Variants in PAXBP1 observed in about 807,000 individuals in gnomAD.
The protein encoded by PAXBP1 is PAX3 and PAX7 binding protein 1.
A neutral mutation model predicts 119.9 loss-of-function variants in PAXBP1; 44 were observed. That is an observed-to-expected ratio of 0.37 (90% CI 0.29 to 0.47). The LOEUF (loss-of-function observed/expected upper bound fraction) is 0.47, where lower values mean the gene tolerates loss of function less well. PAXBP1 is among the 20% of genes least tolerant of loss of function. The pLI is 0.99. For synonymous variants in PAXBP1, 393 were observed against 406.6 expected, an observed-to-expected ratio of 0.97 and a Z score of 0.40; for missense variants, 898 against 1,134.1, an observed-to-expected ratio of 0.79 and a Z score of 2.99.
intron 13 of PAXBP1, among the ~76,000 whole-genome samples, chr21:32,744,034 CAAT>C (rs377735579): frequency 1.4e-4 from 22 of 152,224 alleles, no homozygotes; most frequent in African/African-American, 4.8e-4. Flanking sequence ...GAAAATTCAA[CAAT>C]GACAAAGAGC....
intron 5 of PAXBP1, among the ~76,000 whole-genome samples, 169 bp downstream of exon 5, chr21:32,760,890 T>TGTGC (rs202232037): frequency 5.5e-4 from 81 of 147,734 alleles, no homozygotes; most frequent in South Asian, 3.5e-3. Flanking sequence ...CGTGTCTCTG[T>TGTGC]GTGCGTGCGT....
At chr21:32,744,702 G>A in intron 13 of PAXBP1, 90 bp downstream of exon 13, 2 of 1,313,984 alleles carry the variant, frequency 1.5e-6, no homozygotes, top group Non-Finnish European at 2.0e-6. Flanking sequence ...ATTTCTGATT[G>A]GTTTAGGATA....
chr21:32,743,862 C>A (rs1396334910), intron 13 of PAXBP1, 108 bp from the exon 14 acceptor site: 1 of 642,398 alleles, frequency 1.6e-6, no homozygotes, highest in African/African-American at 1.9e-5. Flanking sequence ...ACTAGTTTCT[C>A]AAATTTTTAA....
chr21:32,742,223 T>A (rs1466962771), intron 15 of PAXBP1: 1 of 152,170 alleles, frequency 6.6e-6, no homozygotes, highest in Admixed American at 6.5e-5. Flanking sequence ...AGAGTGAATT[T>A]TACCGTATGT....
chr21:32,750,778 A>T, intron 10 of PAXBP1, 139 bp downstream of exon 10: 1 of 625,364 alleles, frequency 1.6e-6, no homozygotes, highest in East Asian at 2.8e-5. Flanking sequence ...ATAAAAAGGC[A>T]TGCAAATTTC....
At chr21:32,759,663 G>T in intron 6 of PAXBP1, 114 bp downstream of exon 6, 1 of 877,784 alleles carries the variant, frequency 1.1e-6, no homozygotes, top group Non-Finnish European at 1.8e-6. Flanking sequence ...AGCTTTTGAA[G>T]CTGGGCCAGT....
chr21:32,768,081 T>C (rs528962272), intron 2 of PAXBP1, among the ~76,000 whole-genome samples: 12 of 152,318 alleles, frequency 7.9e-5, no homozygotes, highest in Non-Finnish European at 1.6e-4. Context: ...ATGTTGAAAT[T>C]TAATTGCCAT....
intron 2 of PAXBP1, among the ~76,000 whole-genome samples, chr21:32,764,988 T>C (rs2044217119): frequency 6.6e-6 from 1 of 152,138 alleles, no homozygotes; most frequent in Non-Finnish European, 1.5e-5. Flanking sequence ...TCCAGCTAAG[T>C]CTCTTAGTAA....
At chr21:32,755,474 TCC>T in intron 7 of PAXBP1, 121 bp from the exon 8 acceptor site, 2 of 1,300,960 alleles carry the variant, frequency 1.5e-6, no homozygotes, top group Non-Finnish European at 2.1e-6. Context: ...TAATCATGAA[TCC>T]CCAACAGCAC....
rs200232025 is a variant in PAXBP1 at position 32,764,380 on chromosome 21, T to A, written c.617A>T (p.Asn206Ile). The A allele has an allele frequency of 1.9e-6, 3 of 1,613,846 alleles. No homozygotes were observed. Among genetic ancestry groups the A allele is most frequent in the Non-Finnish European group, 2.5e-6 (3 of 1,179,864 alleles). ...AAGAACATTCAATGAAGATAAAGCA[T>A]TTGAAAAAGCTCCACCAGTCTTTGG... ...EKPKTGGAFS[N>I]ALSSLNVLRP... The change falls in exon 3 of 18, where the codon AAT (asparagine) becomes ATT (isoleucine). Residue 206 changes from asparagine (N) to isoleucine (I), a missense_variant. By Grantham distance (149) the Asn-to-Ile change is moderately radical. Coordinates refer to ENST00000331923, the MANE Select transcript of PAXBP1 (RefSeq NM_016631.4).
At position 32,755,321 on chromosome 21, in the gene PAXBP1, T is replaced by C; in HGVS notation, c.1416A>G (p.Ile472Met). The change falls in exon 8 of 18, where the codon ATA (isoleucine) becomes ATG (methionine). Residue 472 changes from isoleucine to methionine, a missense_variant. By Grantham distance (10) the Ile-to-Met change is conservative. Around this residue, in one of 2 missense-constraint regions of PAXBP1, gnomAD observed 599 missense variants for 852.7 expected, o/e 0.70. Transcript: ENST00000331923. ...VPLINELESA[I>M]HQLYKQRASR... ...AAGCTCGCTGTTTGTACAGCTGATG[T>C]ATTGCTGATTCAAGTTCATTAATCA... is the stretch of plus-strand genomic sequence containing the variant. 1.6e-5 allele frequency: 26 copies of C among 1,613,238 alleles called. No homozygotes were observed. Among genetic ancestry groups the C allele is most frequent in the Non-Finnish European group, 2.2e-5 (26 of 1,179,608 alleles).
At chr21:32,762,467 A>G in intron 3 of PAXBP1, 150 bp from the exon 4 acceptor site, 2 of 1,107,424 alleles carry the variant, frequency 1.8e-6, no homozygotes, top group Non-Finnish European at 2.5e-6. Flanking sequence ...CTGCAATCCA[A>G]AAGATTGTTA....
In PAXBP1 at chr21:32,771,416, G is replaced by A. The variant is rs756278430; in HGVS notation, c.253C>T (p.Pro85Ser). 2.3e-5 allele frequency: 35 copies of A among 1,542,932 alleles called. No homozygotes were observed. Among genetic ancestry groups the A allele is most frequent in the Non-Finnish European group, 2.6e-5 (30 of 1,154,802 alleles). ...TTGCGCGGCTTCAGCCCGTTGCCGG[G>A]CTCCGCGCCGCCGGGGAAGCCGCCC... ...AGGGFPGGAE[P>S]GNGLKPRKRP... The change falls in exon 1 of 18, where the codon CCC becomes TCC. Residue 85 changes from proline (P) to serine (S), a missense_variant. Transcript: ENST00000331923.
At chr21:32,769,121 C>T (rs2146529640) in intron 2 of PAXBP1, among the ~76,000 whole-genome samples, 1 of 152,252 alleles carries the variant, frequency 6.6e-6, no homozygotes, top group South Asian at 2.1e-4. Flanking sequence ...CACAATAAGC[C>T]TGTAAGTGAG....
Position 32,769,931 on chromosome 21 carries a change from C to G in PAXBP1, c.355G>C (p.Val119Leu). 1 of 1,535,876 alleles carries G rather than the reference C, an allele frequency of 6.5e-7. No homozygotes were observed. The highest frequency in any genetic ancestry group is 8.8e-7 in the Non-Finnish European group (1 of 1,133,910). The change falls in exon 2 of 18, where the codon GTT becomes CTT. Residue 119 changes from valine to leucine, a missense_variant. Val to Leu is a conservative substitution (Grantham distance 32). This residue lies in a region of PAXBP1 where 299 missense variants were observed against 281.4 expected (regional missense o/e 1.06). Transcript: ENST00000331923. ...TAACTTGATTTCTTCACTTTGAAAA[C>G]TTCTTCATTTTCTTAAAAAGGAAAT... ...FQDEEEENEE[V>L]FKVKKSSYSK...
chr21:32,766,142 A>T (rs1419114394), intron 2 of PAXBP1, among the ~76,000 whole-genome samples: 2 of 152,210 alleles, frequency 1.3e-5, no homozygotes, highest in Non-Finnish European at 2.9e-5. Context: ...CTCAAAAACA[A>T]AACAAATTTA....
intron 15 of PAXBP1, among the ~76,000 whole-genome samples, chr21:32,740,107 A>T (rs1324438690): frequency 6.6e-6 from 1 of 152,150 alleles, no homozygotes; most frequent in Non-Finnish European, 1.5e-5. Context: ...GCTGAGGGCA[A>T]ATCTGCCTCC....
chr21:32,737,708 G>A (rs2043712755), intron 16 of PAXBP1, among the ~76,000 whole-genome samples: 1 of 152,108 alleles, frequency 6.6e-6, no homozygotes. Context: ...CAGTCTTCTA[G>A]GATGGCCTAA....
In PAXBP1 at chr21:32,745,687, C is replaced by G; in HGVS notation, c.1955G>C (p.Trp652Ser). The change falls in exon 12 of 18, where the codon TGG becomes TCG. Residue 652 changes from tryptophan to serine, a missense_variant. Coordinates refer to ENST00000331923, the MANE Select transcript of PAXBP1 (RefSeq NM_016631.4). ...ACCATAAAACAGCAAAGATTCAAAC[C>G]ACAGCATATTCTCAAAGTCACGACA... ...AKCRDFENMLWFESLLFYGCE... is the reference protein window; with the variant it reads ...AKCRDFENMLSFESLLFYGCE... 6.2e-7 allele frequency: 1 copy of G among 1,613,932 alleles called. No homozygotes were observed. The highest frequency in any genetic ancestry group is 8.5e-7 in the Non-Finnish European group (1 of 1,179,928).
Sources: gnomAD v4.1 joint callset for allele counts (sites outside exome capture counted in the v4.1 genomes callset) on GRCh38, gnomAD v4.1.1 for gene constraint, gnomAD v4.1.1 regional missense constraint, MANE v1.5 for transcripts, NCBI Gene and HGNC (gene_info 2026-07-23, HGNC 2026-07-21) for gene names.